EZH2: variants seen among roughly 807,000 people sequenced by gnomAD.
The protein encoded by EZH2 is histone-lysine N-methyltransferase EZH2.
Under a neutral mutation model 98.4 loss-of-function variants are expected in EZH2, and 18 were observed. The observed-to-expected ratio is 0.18, with a 90% CI of 0.13 to 0.27. The LOEUF (loss-of-function observed/expected upper bound fraction) is 0.27. EZH2 is among the 10% of genes least tolerant of loss of function. The pLI, the probability that EZH2 is intolerant of heterozygous loss-of-function variation, is 1.00. For missense variants in EZH2, 470 were observed against 935.1 expected, an observed-to-expected ratio of 0.50 and a Z score of 6.49; for synonymous variants, 338 against 312.3, an observed-to-expected ratio of 1.08 and a Z score of -0.87.
intron 9 of EZH2, among the ~76,000 whole-genome samples, chr7:148,818,789 G>A (rs562978710): frequency 6.6e-6 from 1 of 152,274 alleles, no homozygotes; most frequent in South Asian, 2.1e-4. Flanking sequence ...ACAATGGTAA[G>A]AGCATGGTTT....
intron 1 of EZH2, among the ~76,000 whole-genome samples, chr7:148,876,934 T>C (rs1463560043): frequency 6.6e-6 from 1 of 152,152 alleles, no homozygotes. Flanking sequence ...CGTACCCAAA[T>C]TAAAATCCTT....
At chr7:148,807,973 T>C (rs1801960695) in intron 19 of EZH2, among the ~76,000 whole-genome samples, 1 of 152,218 alleles carries the variant, frequency 6.6e-6, no homozygotes, top group Non-Finnish European at 1.5e-5. Context: ...TCCCAGAGCC[T>C]GACCAGCCTC....
chr7:148,884,136 G>C (rs1821463339), intron 1 of EZH2, 28 bp downstream of exon 1: 1 of 150,734 alleles, frequency 6.6e-6, no homozygotes, highest in African/African-American at 2.5e-5. Context: ...GAGCCCCGCC[G>C]GCCGGGCCGC....
chr7:148,819,729 ATACT>A (rs771050131), intron 8 of EZH2, 42 bp from the exon 9 acceptor site: 16 of 1,549,340 alleles, frequency 1.0e-5, no homozygotes, highest in East Asian at 2.3e-5. Flanking sequence ...TAACTATAAA[ATACT>A]TACTTTTTCA....
chr7:148,847,054 GTA>G lies in EZH2; in HGVS notation c.117+126_117+127del, dbSNP rs1814340488. ...ACAGATCAAGAACCTAAGCTTCCAA[GTA>G]TTCACTCATCTTATTGTAAATACAA... On this transcript the variant is annotated intron_variant, in intron 2 of 19. Coordinates refer to ENST00000320356, the MANE Select transcript of EZH2 (RefSeq NM_004456.5). 5.6e-6 allele frequency: 6 copies of G among 1,071,718 alleles called. No homozygotes were observed. The South Asian group carries it at 6.8e-5, about 12-fold the overall frequency. 66.4% of individuals were successfully genotyped at this position (1,071,718 alleles called of 1,614,324 possible). A position where few individuals can be genotyped will look rare whatever the true frequency, so the allele number is the denominator to read the frequency against.
intron 8 of EZH2, among the ~76,000 whole-genome samples, chr7:148,824,111 T>G (rs1486205733): frequency 6.7e-6 from 1 of 149,784 alleles, no homozygotes; most frequent in Admixed American, 6.7e-5. Flanking sequence ...GGTCAGGAGT[T>G]CAAGACCAGC....
chr7:148,869,359 T>TC, intron 1 of EZH2, among the ~76,000 whole-genome samples: 1 of 147,504 alleles, frequency 6.8e-6, no homozygotes, highest in Non-Finnish European at 1.5e-5. Context: ...TTTTTTTTTT[T>TC]TTTGGAGACA....
chr7:148,827,803 A>G (rs1225331040), intron 6 of EZH2, among the ~76,000 whole-genome samples: 1 of 152,188 alleles, frequency 6.6e-6, no homozygotes, highest in African/African-American at 2.4e-5. Flanking sequence ...ACCTCTCTAA[A>G]TCTATCCCCT....
At chr7:148,848,358 G>C (rs945512174) in intron 1 of EZH2, among the ~76,000 whole-genome samples, 1 of 152,202 alleles carries the variant, frequency 6.6e-6, no homozygotes, top group South Asian at 2.1e-4. Flanking sequence ...GGAAAAGTAC[G>C]TGAATTCAAG....
chr7:148,856,523 G>C (rs982881124), intron 1 of EZH2, among the ~76,000 whole-genome samples: 6 of 152,174 alleles, frequency 3.9e-5, no homozygotes, highest in African/African-American at 1.4e-4. Flanking sequence ...AATAAAATAA[G>C]CATACCCTGC....
intron 8 of EZH2, among the ~76,000 whole-genome samples, chr7:148,825,929 T>C (rs1467536206): frequency 6.6e-6 from 1 of 152,196 alleles, no homozygotes; most frequent in Admixed American, 6.5e-5. Context: ...GAAAAAAGTA[T>C]TTTTGTATAT....
In EZH2 at chr7:148,819,786, C is replaced by T. The variant is rs183655615; in HGVS notation, c.908-99G>A. ...GAAAAGTCAATTAATGGATTATAATCTTGCTAATATGTGGTTTACGTTACT... is the reference window on the plus strand; with the variant it reads ...GAAAAGTCAATTAATGGATTATAATTTTGCTAATATGTGGTTTACGTTACT... On this transcript the variant is annotated intron_variant, in intron 8 of 19. Transcript: ENST00000320356. 11,494 of 1,043,298 alleles carry T rather than the reference C, an allele frequency of 0.011. 93 individuals are homozygous for T. The highest frequency in any genetic ancestry group is 0.026 in the Middle Eastern group (108 of 4,196). 64.6% of individuals were successfully genotyped at this position (1,043,298 alleles called of 1,614,324 possible). A position where few individuals can be genotyped will look rare whatever the true frequency, so the allele number is the denominator to read the frequency against.
chr7:148,866,934 G>A (rs986311872), intron 1 of EZH2, among the ~76,000 whole-genome samples: 5 of 149,666 alleles, frequency 3.3e-5, no homozygotes, highest in African/African-American at 4.9e-5. Context: ...GGCTGGTCTC[G>A]AACTCCTAAC....
In EZH2 at chr7:148,846,432, GAT is replaced by G. The variant is rs779265341; in HGVS notation, c.246+36_246+37del. The G allele has an allele frequency of 1.1e-5, 17 of 1,590,366 alleles. No homozygotes were observed. The African/African-American group carries it at 1.5e-4, about 14-fold the overall frequency. ...AATGTTCCAATAGCATAAACCAAAA[GAT>G]GATGATAATTACTACAACATGTTAT... On this transcript the variant is annotated intron_variant, in intron 3 of 19. Coordinates refer to ENST00000320356, the MANE Select transcript of EZH2 (RefSeq NM_004456.5).
chr7:148,845,129 T>G (rs868466131), intron 3 of EZH2, among the ~76,000 whole-genome samples: 6 of 152,310 alleles, frequency 3.9e-5, no homozygotes, highest in Middle Eastern at 3.4e-3. Context: ...AAAAATAAGT[T>G]TTCCATGTGA....
At chr7:148,836,734 C>A in intron 3 of EZH2, 2 of 415,292 alleles carry the variant, frequency 4.8e-6, no homozygotes, top group Non-Finnish European at 9.4e-6. Context: ...ATGGGGGGGA[C>A]TAGAATCATT....
intron 1 of EZH2, among the ~76,000 whole-genome samples, chr7:148,872,682 T>C (rs982533223): frequency 6.6e-6 from 1 of 152,218 alleles, no homozygotes; most frequent in Non-Finnish European, 1.5e-5. Flanking sequence ...GCTGCTTTAA[T>C]TATGATTGAA....
rs187166842 is a variant in EZH2 at position 148,844,383 on chromosome 7, C to A, written c.246+2087G>T. 2.9e-4 allele frequency among the ~76,000 whole-genome samples: 44 copies of A among 152,216 alleles called. 1 individual carries two copies. The Middle Eastern group carries it at 0.02, about 71-fold the overall frequency. On this transcript the variant is annotated intron_variant, in intron 3 of 19. Coordinates refer to ENST00000320356, the MANE Select transcript of EZH2 (RefSeq NM_004456.5). Reference sequence around the variant, plus strand: ...TTATCACAAACGATATAAACTCTGGCTTCTAAAAGTCAGTGGTGATGGTTT... The same window carrying A: ...TTATCACAAACGATATAAACTCTGGATTCTAAAAGTCAGTGGTGATGGTTT...
chr7:148,835,647 A>T (rs980597895), intron 3 of EZH2, among the ~76,000 whole-genome samples: 7 of 146,668 alleles, frequency 4.8e-5, no homozygotes, highest in African/African-American at 1.5e-4. Context: ...TTCATTTCTT[A>T]AAAAAAAAAA....
Sources: allele counts gnomAD v4.1 joint callset (sites outside exome capture counted in the v4.1 genomes callset), GRCh38; gene constraint gnomAD v4.1.1; transcripts MANE v1.5; gene names NCBI Gene and HGNC (gene_info 2026-07-23, HGNC 2026-07-21).